The following B3GALNT1 variants were observed in gnomAD, a reference collection of about 807,000 sequenced individuals.
B3GALNT1 encodes beta-1,3-N-acetylgalactosaminyltransferase 1 (Globoside blood group), also known as UDP-GalNAc:beta-1,3-N-acetylgalactosaminyltransferase 1.
B3GALNT1 carries 17 observed loss-of-function variants against 27.3 expected under a neutral mutation model. The ratio of observed to expected loss-of-function variants is 0.62; its 90% CI spans 0.43 to 0.94. B3GALNT1 has a LOEUF of 0.94. B3GALNT1 is among the 40% of genes least tolerant of loss of function. The pLI, the probability that B3GALNT1 is intolerant of heterozygous loss-of-function variation, is 0.00. For missense variants in B3GALNT1, 347 were observed against 390.0 expected (o/e 0.89, Z 0.93); for synonymous variants, 141 against 144.0 (o/e 0.98, Z 0.15).
chr3:161,089,044 C>A (rs904314254), intron 4 of B3GALNT1, among the ~76,000 whole-genome samples: 3 of 152,148 alleles, frequency 2.0e-5, no homozygotes, highest in Non-Finnish European at 4.4e-5. Context: ...CTGGCCAGAA[C>A]AGACTAGGTC....
Position 161,092,966 on chromosome 3 carries a change from C to T in B3GALNT1, c.-34-6178G>A, listed in dbSNP as rs545553973. Among the ~76,000 whole-genome samples the T allele has an allele frequency of 1.4e-4, 21 of 151,934 alleles. No homozygotes were observed. The East Asian group carries it at 3.9e-3, about 28-fold the overall frequency. On this transcript the variant is annotated intron_variant, in intron 4 of 4. Transcript: ENST00000320474. ...TAGACATGGGGTTTCACCATGTTAGCCAGGATGGTCTCGATCTCCTGACCT... is the reference window on the plus strand; with the variant it reads ...TAGACATGGGGTTTCACCATGTTAGTCAGGATGGTCTCGATCTCCTGACCT...
At position 161,105,215 on chromosome 3, in the gene B3GALNT1, G is replaced by C. The variant is rs552681309; in HGVS notation, c.-309+20C>G. ...ACTCAACCGCCTCGGAGACCCTGCA[G>C]GGCCGCCCTTCTCACTCACCTCCTG... is the stretch of plus-strand genomic sequence containing the variant. On this transcript the variant is annotated intron_variant, in intron 1 of 4. Coordinates refer to ENST00000320474, the MANE Select transcript of B3GALNT1 (RefSeq NM_003781.4). 6.6e-6 allele frequency: 1 copy of C among 152,486 alleles called. No homozygotes were observed. The highest frequency in any genetic ancestry group is 6.5e-5 in the Admixed American group (1 of 15,308). 9.4% of individuals were successfully genotyped at this position (152,486 alleles called of 1,614,324 possible).
intron 4 of B3GALNT1, 45 bp from the exon 5 acceptor site, chr3:161,086,833 C>G (rs1257155717): frequency 6.4e-7 from 1 of 1,556,436 alleles, no homozygotes. Context: ...ACACCGAAAA[C>G]ACATTTTCAA....
Position 161,105,273 on chromosome 3 carries a change from GGT to G in B3GALNT1, c.-349_-348del, listed in dbSNP as rs1733774416. 6.6e-6 allele frequency: 1 copy of G among 152,224 alleles called. No homozygotes were observed. Among genetic ancestry groups the G allele is most frequent in the East Asian group, 1.9e-4 (1 of 5,176 alleles). 9.4% of individuals were successfully genotyped at this position (152,224 alleles called of 1,614,324 possible). On this transcript the variant is annotated 5_prime_UTR_variant, in exon 1 of 5. The change abolishes the stop of an existing upstream ORF in the 5' untranslated region. Coordinates refer to ENST00000320474, the MANE Select transcript of B3GALNT1 (RefSeq NM_003781.4). ...CGCGCACCCAGCTCGGAAGCGGGAA[GGT>G]GGCCGGCGTTCTCTCCCTGCGCACA...
In B3GALNT1 at chr3:161,092,518, G is replaced by GA. The variant is rs1407843560; in HGVS notation, c.-34-5731dup. On this transcript the variant is annotated intron_variant, in intron 4 of 4. Transcript: ENST00000320474. ...TGAAAGGAACATGTGGTTAAAGGGG[G>GA]AAAAAAACACTGGTCATAAATACTG... Among the ~76,000 whole-genome samples the GA allele has an allele frequency of 9.9e-5, 15 of 151,970 alleles. No homozygotes were observed. In the East Asian group the frequency reaches 2.9e-3, roughly 29 times the overall value.
At position 161,086,781 on chromosome 3, in the gene B3GALNT1, C is replaced by T. The variant is rs2231256; in HGVS notation, c.-27G>A. The stretch of plus-strand genomic sequence containing the variant: ...CACAGCAGCTCAGAAGCACGCGAGC[C>T]GAAGGTTCTGGAAGAGTTATCAAAG... On this transcript the variant is annotated 5_prime_UTR_variant, in exon 5 of 5. Coordinates refer to ENST00000320474, the MANE Select transcript of B3GALNT1 (RefSeq NM_003781.4). 5.1e-3 allele frequency: 8,266 copies of T among 1,612,660 alleles called. 384 individuals carry two copies. In the African/African-American group the frequency reaches 0.097, roughly 19 times the overall value.
At chr3:161,087,933 T>C (rs1722884381) in intron 4 of B3GALNT1, among the ~76,000 whole-genome samples, 2 of 152,154 alleles carry the variant, frequency 1.3e-5, no homozygotes, top group Admixed American at 1.3e-4. Flanking sequence ...TTACATCAAA[T>C]GCTAAGGAAC....
Position 161,086,727 on chromosome 3 carries a change from G to C in B3GALNT1, c.28C>G (p.Pro10Ala). The C allele has an allele frequency of 6.2e-7, 1 of 1,614,076 alleles. No homozygotes were observed. Among genetic ancestry groups the C allele is most frequent in the Non-Finnish European group, 8.5e-7 (1 of 1,179,994 alleles). Reference protein sequence around the residue: MASALWTVLPSRMSLRSLKW... With the variant: MASALWTVLASRMSLRSLKW... ...AGGGATCTCAGTGACATCCTACTCGGAAGGACAGTCCAGAGAGCCGAGGCC... is the reference window on the plus strand; with the variant it reads ...AGGGATCTCAGTGACATCCTACTCGCAAGGACAGTCCAGAGAGCCGAGGCC... The change falls in exon 5 of 5, where the codon CCG becomes GCG. Residue 10 changes from proline to alanine, a missense_variant. Pro to Ala is a conservative substitution (Grantham distance 27). Transcript: ENST00000320474.
In B3GALNT1 at chr3:161,085,776, T is replaced by A. The variant is rs1721326076; in HGVS notation, c.979A>T (p.Thr327Ser). 1.2e-6 allele frequency: 2 copies of A among 1,614,148 alleles called. No homozygotes were observed. Among genetic ancestry groups the A allele is most frequent in the Admixed American group, 1.7e-5 (1 of 60,010 alleles). Residue 327 changes from threonine (T) to serine (S), a missense_variant, in exon 5 of 5, where the codon ACC (threonine) becomes TCC (serine). Coordinates refer to ENST00000320474, the MANE Select transcript of B3GALNT1 (RefSeq NM_003781.4). ...ITFWQVMLRN[T>S]TCHY Reference sequence around the variant, plus strand: ...ATGTGAAGTTAATAATGGCATGTGGTGTTCCTTAGCATGACCTGCCAAAAA... The same window carrying A: ...ATGTGAAGTTAATAATGGCATGTGGAGTTCCTTAGCATGACCTGCCAAAAA...
rs185149775 is a variant in B3GALNT1 at position 161,105,260 on chromosome 3, T to G, written c.-334A>C. 6.6e-6 allele frequency: 1 copy of G among 152,096 alleles called. No homozygotes were observed. The allele number at this position is 152,096 out of a possible 1,614,324, so 9.4% of individuals were successfully genotyped here. Reference sequence around the variant, plus strand: ...CTCCTGTGCTCGGCGCGCACCCAGCTCGGAAGCGGGAAGGTGGCCGGCGTT... The same window carrying G: ...CTCCTGTGCTCGGCGCGCACCCAGCGCGGAAGCGGGAAGGTGGCCGGCGTT... On this transcript the variant is annotated 5_prime_UTR_variant, in exon 1 of 5. Coordinates refer to ENST00000320474, the MANE Select transcript of B3GALNT1 (RefSeq NM_003781.4).
At position 161,092,411 on chromosome 3, in the gene B3GALNT1, C is replaced by T. The variant is rs559218393; in HGVS notation, c.-34-5623G>A. Among the ~76,000 whole-genome samples the T allele has an allele frequency of 2.0e-5, 3 of 152,058 alleles. No individual in the cohort carries two copies. The East Asian group carries it at 5.8e-4, about 29-fold the overall frequency. ...AAACTACACACAAGAAGTGATGAAC[C>T]TTTAGAAGCAACTACGTATAAATAA... On this transcript the variant is annotated intron_variant, in intron 4 of 4. Coordinates refer to ENST00000320474, the MANE Select transcript of B3GALNT1 (RefSeq NM_003781.4).
chr3:161,086,090 GT>G lies in B3GALNT1; in HGVS notation c.664del (p.Thr222ProfsTer23). On this transcript the variant is annotated frameshift_variant, in exon 5 of 5. Coordinates refer to ENST00000320474, the MANE Select transcript of B3GALNT1 (RefSeq NM_003781.4). LOFTEE classifies it high-confidence loss of function. The part of the protein sequence containing the change: ...NYSYRGFYQK[T>X]HISYQEYPFK... ...AGGATACTCCTGGTAAGAAATATGG[GT>G]TTTTTGGTAAAATCCTCTATAGGAA... The G allele has an allele frequency of 6.3e-7, 1 of 1,599,612 alleles. No homozygotes were observed.
At chr3:161,093,974 G>A (rs547228291) in intron 4 of B3GALNT1, among the ~76,000 whole-genome samples, 10 of 152,320 alleles carry the variant, frequency 6.6e-5, no homozygotes, top group Non-Finnish European at 1.0e-4. Flanking sequence ...CAAGCCACCA[G>A]TAATTACTTG....
At chr3:161,101,773 G>A (rs1483684214) in intron 3 of B3GALNT1, among the ~76,000 whole-genome samples, 1 of 152,202 alleles carries the variant, frequency 6.6e-6, no homozygotes, top group Non-Finnish European at 1.5e-5. Flanking sequence ...TCAGTATGGA[G>A]AAGGGAACTA....
intron 4 of B3GALNT1, among the ~76,000 whole-genome samples, chr3:161,096,326 AAAC>A (rs1409436190): frequency 6.6e-6 from 1 of 152,224 alleles, no homozygotes; most frequent in East Asian, 1.9e-4. Flanking sequence ...AGGTCCAAAA[AAAC>A]AAGAAACAAA....
chr3:161,085,964 TTGATGGGTTTTACGTGACCCA>T lies in B3GALNT1; in HGVS notation c.770_790del (p.Met257_Ile263del). 6.3e-7 allele frequency: 1 copy of T among 1,599,318 alleles called. No individual in the cohort carries two copies. Among genetic ancestry groups the T allele is most frequent in the East Asian group, 2.2e-5 (1 of 44,738 alleles). ...GATCCCGACATAAACATCTTCAAAC[TTGATGGGTTTTACGTGACCCA>T]TCATTTCATAGATCCTTGGCACCAA... On this transcript the variant is annotated inframe_deletion, in exon 5 of 5. Coordinates refer to ENST00000320474, the MANE Select transcript of B3GALNT1 (RefSeq NM_003781.4).
chr3:161,104,247 T>C (rs1733063745), intron 2 of B3GALNT1, 72 bp downstream of exon 2: 2 of 1,197,978 alleles, frequency 1.7e-6, no homozygotes, highest in African/African-American at 3.2e-5. Context: ...CGCCCTTCTT[T>C]TGCTTAAGCC....
rs35590548 is a variant in B3GALNT1 at position 161,090,264 on chromosome 3, G to A, written c.-34-3476C>T. 4.2e-3 allele frequency among the ~76,000 whole-genome samples: 640 copies of A among 151,932 alleles called. 3 individuals are homozygous for A. Among genetic ancestry groups the A allele is most frequent in the African/African-American group, 0.015 (615 of 41,420 alleles). On this transcript the variant is annotated intron_variant, in intron 4 of 4. Coordinates refer to ENST00000320474, the MANE Select transcript of B3GALNT1 (RefSeq NM_003781.4). ...TATAAAGCAAAACCTGAAGAGTATGGGTATAAATGGGAAAACTTATAATCC... is the reference window on the plus strand; with the variant it reads ...TATAAAGCAAAACCTGAAGAGTATGAGTATAAATGGGAAAACTTATAATCC...
At position 161,085,990 on chromosome 3, in the gene B3GALNT1, T is replaced by C; in HGVS notation, c.765A>G (p.Glu255=). Residue 255 remains glutamate (E), a synonymous_variant, in exon 5 of 5, where the codon GAA becomes GAG. Coordinates refer to ENST00000320474, the MANE Select transcript of B3GALNT1 (RefSeq NM_003781.4). Reference sequence around the variant, plus strand: ...TGATGGGTTTTACGTGACCCATCATTTCATAGATCCTTGGCACCAAATCTC... The same window carrying C: ...TGATGGGTTTTACGTGACCCATCATCTCATAGATCCTTGGCACCAAATCTC... ...MSRDLVPRIY[E]MMGHVKPIKF... The C allele has an allele frequency of 6.3e-7, 1 of 1,587,196 alleles. No individual in the cohort carries two copies. Among genetic ancestry groups the C allele is most frequent in the Non-Finnish European group, 8.6e-7 (1 of 1,168,220 alleles).
Sources: allele counts gnomAD v4.1 joint callset (sites outside exome capture counted in the v4.1 genomes callset), GRCh38; gene constraint gnomAD v4.1.1; transcripts MANE v1.5; gene names NCBI Gene and HGNC (gene_info 2026-07-23, HGNC 2026-07-21).